The following CUL3 variants were observed in gnomAD, a reference collection of about 807,000 sequenced individuals.
CUL3 encodes the protein cullin-3.
Under a neutral mutation model 89.1 loss-of-function variants are expected in CUL3, and 19 were observed. The observed-to-expected ratio is 0.21, with a 90% CI of 0.15 to 0.31. CUL3 has a LOEUF of 0.31. Among genes scored for constraint, CUL3 ranks in the 10% least tolerant of loss-of-function variants. The pLI is 1.00. For synonymous variants in CUL3, 351 were observed against 308.4 expected (o/e 1.14, Z -1.45); for missense variants, 469 against 942.3 (o/e 0.50, Z 6.58).
At chr2:224,503,138 G>A in intron 9 of CUL3, 66 bp from the exon 10 acceptor site, 1 of 1,020,654 alleles carries the variant, frequency 9.8e-7, no homozygotes, top group Non-Finnish European at 1.5e-6. Context: ...AGTACAGAAA[G>A]AAATAAATTA....
At chr2:224,583,887 G>T (rs529182691) in intron 1 of CUL3, among the ~76,000 whole-genome samples, 1 of 152,202 alleles carries the variant, frequency 6.6e-6, no homozygotes, top group Non-Finnish European at 1.5e-5. Context: ...TACATCATAT[G>T]AAGTATTTAT....
At chr2:224,573,129 G>C (rs781275747) in intron 1 of CUL3, among the ~76,000 whole-genome samples, 1 of 152,136 alleles carries the variant, frequency 6.6e-6, no homozygotes, top group Admixed American at 6.5e-5. Context: ...ATTATTACTA[G>C]AGAATTTAAT....
chr2:224,497,799 A>G lies in CUL3; in HGVS notation c.1661T>C (p.Met554Thr). The G allele has an allele frequency of 1.2e-6, 2 of 1,614,032 alleles. No homozygotes were observed. The highest frequency in any genetic ancestry group is 1.7e-6 in the Non-Finnish European group (2 of 1,179,886). ...TGTGGCATTGAGATCTGCAGAACCC[A>G]TATGATGCTGGAGTGTGAGCTGTCG... The part of the protein sequence containing the change: ...SGRQLTLQHH[M>T]GSADLNATFY... Residue 554 changes from methionine (M) to threonine (T), a missense_variant, in exon 12 of 16, where the codon ATG (methionine) becomes ACG (threonine). Met to Thr is a moderately conservative substitution (Grantham distance 81). This residue lies in a region of CUL3 where 370 missense variants were observed against 733.2 expected (regional missense o/e 0.50). Coordinates refer to ENST00000264414, the MANE Select transcript of CUL3 (RefSeq NM_003590.5).
intron 13 of CUL3, among the ~76,000 whole-genome samples, chr2:224,489,211 C>T (rs1009006882): frequency 6.6e-6 from 1 of 152,148 alleles, no homozygotes; most frequent in African/African-American, 2.4e-5. Flanking sequence ...ACAAGGATGC[C>T]CTCTCTCACC....
chr2:224,474,119 A>G lies in CUL3; in HGVS notation c.*126T>C. Reference sequence around the variant, plus strand: ...CAAAGGGAGTAAAGGCTTGATCTCAATGGTCTAGAACATGTACTGTAATTT... The same window carrying G: ...CAAAGGGAGTAAAGGCTTGATCTCAGTGGTCTAGAACATGTACTGTAATTT... On this transcript the variant is annotated 3_prime_UTR_variant, in exon 16 of 16. Transcript: ENST00000264414. The G allele has an allele frequency of 1.0e-6, 1 of 963,356 alleles. No individual in the cohort carries two copies. The highest frequency in any genetic ancestry group is 1.5e-6 in the Non-Finnish European group (1 of 671,348). 59.7% of individuals were successfully genotyped at this position (963,356 alleles called of 1,614,324 possible).
intron 13 of CUL3, among the ~76,000 whole-genome samples, chr2:224,482,847 A>G (rs1234198924): frequency 6.6e-6 from 1 of 152,170 alleles, no homozygotes; most frequent in Non-Finnish European, 1.5e-5. Flanking sequence ...TGATTGAGTA[A>G]AAGTCTTGAC....
intron 5 of CUL3, among the ~76,000 whole-genome samples, chr2:224,512,890 T>G (rs1523917): frequency 0.18 from 27,235 of 152,104 alleles, 2,673 homozygotes; most frequent in East Asian, 0.28. Context: ...ACAACACAAG[T>G]TTGAACTGCA....
At chr2:224,490,942 G>GATATCTCAC (rs1691948169) in intron 13 of CUL3, among the ~76,000 whole-genome samples, 2 of 151,994 alleles carry the variant, frequency 1.3e-5, no homozygotes, top group East Asian at 3.9e-4. Flanking sequence ...CTTGTATCAA[G>GATATCTCAC]ATATCTCACG....
At chr2:224,573,806 T>C (rs1029344825) in intron 1 of CUL3, among the ~76,000 whole-genome samples, 1 of 152,128 alleles carries the variant, frequency 6.6e-6, no homozygotes, top group Admixed American at 6.5e-5. Context: ...GAGACCCAAA[T>C]AGATTTAAAA....
chr2:224,543,337 G>A (rs1694183940), intron 2 of CUL3, among the ~76,000 whole-genome samples: 1 of 152,064 alleles, frequency 6.6e-6, no homozygotes, highest in South Asian at 2.1e-4. Context: ...TACTAATCAT[G>A]TATTAAAAAC....
chr2:224,555,185 A>C (rs2106299893), intron 2 of CUL3, among the ~76,000 whole-genome samples: 1 of 152,216 alleles, frequency 6.6e-6, no homozygotes. Flanking sequence ...GTATCTTCCA[A>C]GGATAAACAT....
chr2:224,503,114 T>C (rs780798257), intron 9 of CUL3, 42 bp from the exon 10 acceptor site: 2 of 1,148,594 alleles, frequency 1.7e-6, no homozygotes, highest in Non-Finnish European at 1.3e-6. Flanking sequence ...AAATGGTAGA[T>C]GTTTCTATGA....
chr2:224,490,139 C>A (rs1375817383), intron 13 of CUL3, among the ~76,000 whole-genome samples: 2 of 152,166 alleles, frequency 1.3e-5, no homozygotes, highest in Non-Finnish European at 2.9e-5. Context: ...CAAATCAAAA[C>A]CACAATGAGA....
chr2:224,486,257 A>T (rs1691717957), intron 13 of CUL3, among the ~76,000 whole-genome samples: 1 of 152,154 alleles, frequency 6.6e-6, no homozygotes, highest in African/African-American at 2.4e-5. Context: ...CTGGATGGAG[A>T]ATGAGTTTGA....
At chr2:224,578,761 C>G (rs1418450184) in intron 1 of CUL3, among the ~76,000 whole-genome samples, 1 of 152,070 alleles carries the variant, frequency 6.6e-6, no homozygotes, top group Non-Finnish European at 1.5e-5. Flanking sequence ...TGTCTAGTAA[C>G]TTTTATATAA....
chr2:224,505,938 A>G lies in CUL3; in HGVS notation c.1206+18T>C. On this transcript the variant is annotated intron_variant, in intron 8 of 15. Coordinates refer to ENST00000264414, the MANE Select transcript of CUL3 (RefSeq NM_003590.5). ...TTAAATAAAATTAAATGTTATTTTC[A>G]AATGCATTACTACTTACCCCTTTGA... 1 of 1,435,842 alleles carries G rather than the reference A, an allele frequency of 7.0e-7. No homozygotes were observed. The highest frequency in any genetic ancestry group is 9.4e-7 in the Non-Finnish European group (1 of 1,065,586). 88.9% of individuals were successfully genotyped at this position (1,435,842 alleles called of 1,614,324 possible). A position where few individuals can be genotyped will look rare whatever the true frequency, so the allele number is the denominator to read the frequency against.
chr2:224,557,086 T>C (rs1694735413), intron 2 of CUL3, among the ~76,000 whole-genome samples: 1 of 152,108 alleles, frequency 6.6e-6, no homozygotes, highest in South Asian at 2.1e-4. Context: ...TAAATGAAAT[T>C]ACATTTTACA....
intron 2 of CUL3, among the ~76,000 whole-genome samples, chr2:224,547,166 C>T (rs1343822587): frequency 2.0e-5 from 3 of 152,190 alleles, no homozygotes; most frequent in Non-Finnish European, 4.4e-5. Flanking sequence ...TTCTCCACTG[C>T]AGTCAGCCTT....
rs775596955 is a variant in CUL3, at chr2:224,478,216, T to C, written c.2159A>G (p.Asn720Ser). The C allele has an allele frequency of 2.2e-5, 35 of 1,612,982 alleles. No homozygotes were observed. The highest frequency in any genetic ancestry group is 2.6e-5 in the Non-Finnish European group (31 of 1,179,424). Residue 720 changes from asparagine (N) to serine (S), a missense_variant, in exon 15 of 16, where the codon AAT (asparagine) becomes AGT (serine). Physicochemically the swap from Asn to Ser is conservative, Grantham distance 46. Around this residue, in one of 4 missense-constraint regions of CUL3, gnomAD observed 65 missense variants for 147.8 expected, o/e 0.44. Transcript: ENST00000264414. ...AGTCCTCACCTCCGCTACTAGAACA[T>C]TGTGCTGCATCTTCTTTCTAGATTT... ...IMKSRKKMQH[N>S]VLVAEVTQQL...
Sources: gnomAD v4.1 joint callset for allele counts (sites outside exome capture counted in the v4.1 genomes callset) on GRCh38, gnomAD v4.1.1 for gene constraint, gnomAD v4.1.1 regional missense constraint, MANE v1.5 for transcripts, NCBI Gene and HGNC (gene_info 2026-07-23, HGNC 2026-07-21) for gene names.